The following AGTPBP1 variants were observed in gnomAD, a reference collection of about 807,000 sequenced individuals.
The protein encoded by AGTPBP1 is cytosolic carboxypeptidase 1.
In AGTPBP1, 70 loss-of-function variants were observed where a neutral mutation model predicts 143.9. That is an observed-to-expected ratio of 0.49 (90% CI 0.40 to 0.59). The LOEUF is 0.59. AGTPBP1 is among the 20% of genes least tolerant of loss of function. The pLI is 0.00. For missense variants in AGTPBP1, 1,229 were observed against 1,464.5 expected, an observed-to-expected ratio of 0.84 and a Z score of 2.62; for synonymous variants, 463 against 500.2, an observed-to-expected ratio of 0.93 and a Z score of 0.99.
chr9:85,586,748 A>C, intron 22 of AGTPBP1, 83 bp downstream of exon 22: 1 of 1,465,054 alleles, frequency 6.8e-7, no homozygotes, highest in Non-Finnish European at 9.3e-7. Context: ...ATTTGACCTC[A>C]TGATTATCAC....
intron 2 of AGTPBP1, among the ~76,000 whole-genome samples, chr9:85,708,210 T>G (rs567817382): frequency 1.1e-4 from 17 of 152,290 alleles, no homozygotes; most frequent in African/African-American, 4.1e-4. Context: ...CCTAACCTTT[T>G]GCTTCCATCA....
At chr9:85,627,782 T>C (rs1372013243) in intron 14 of AGTPBP1, among the ~76,000 whole-genome samples, 2 of 152,224 alleles carry the variant, frequency 1.3e-5, no homozygotes, top group African/African-American at 2.4e-5. Context: ...AGTAAACATA[T>C]TTTCTGTTCC....
intron 3 of AGTPBP1, among the ~76,000 whole-genome samples, chr9:85,684,593 T>C (rs1392517671): frequency 6.6e-6 from 1 of 152,142 alleles, no homozygotes; most frequent in Non-Finnish European, 1.5e-5. Context: ...TTCCCTGTGA[T>C]TATTTCATTT....
chr9:85,656,438 G>T (rs190162173), intron 10 of AGTPBP1, among the ~76,000 whole-genome samples: 44 of 152,116 alleles, frequency 2.9e-4, no homozygotes, highest in African/African-American at 1.1e-3. Flanking sequence ...GATTGATCTA[G>T]AAAAGAAAAA....
Position 85,565,711 on chromosome 9 carries a change from T to C in AGTPBP1, c.3503+9604A>G, listed in dbSNP as rs1297927281. 2.6e-5 allele frequency among the ~76,000 whole-genome samples: 4 copies of C among 152,308 alleles called. 1 individual carries two copies. Among genetic ancestry groups the C allele is most frequent in the Middle Eastern group, 6.8e-3 (2 of 294 alleles). The stretch of plus-strand genomic sequence containing the variant: ...AAATGCCTGTGCCCTACTGATTCCA[T>C]ATTCATCATTATGACCCTCCAATGC... On this transcript the variant is annotated intron_variant, in intron 25 of 25. Coordinates refer to ENST00000357081, the MANE Select transcript of AGTPBP1 (RefSeq NM_001330701.2).
At chr9:85,593,144 C>G (rs1829078276) in intron 18 of AGTPBP1, among the ~76,000 whole-genome samples, 1 of 152,080 alleles carries the variant, frequency 6.6e-6, no homozygotes, top group South Asian at 2.1e-4. Flanking sequence ...GATGTTGTTT[C>G]CTGATGTGAT....
chr9:85,802,783 G>A, the AGTPBP1 span, among the ~76,000 whole-genome samples: 32 of 152,320 alleles, frequency 2.1e-4, no homozygotes, highest in South Asian at 6.6e-3. Flanking sequence ...CCAGAGGCTT[G>A]TGGTCATCTG....
chr9:85,664,372 CGTGTTG>C (rs1834015375), intron 8 of AGTPBP1, among the ~76,000 whole-genome samples: 1 of 152,104 alleles, frequency 6.6e-6, no homozygotes, highest in South Asian at 2.1e-4. Context: ...ATTTTACAAC[CGTGTTG>C]GTGTTGGTAT....
chr9:85,599,465 G>A (rs1283920827), intron 17 of AGTPBP1, among the ~76,000 whole-genome samples: 3 of 151,982 alleles, frequency 2.0e-5, no homozygotes, highest in East Asian at 3.9e-4. Flanking sequence ...CTTCTATCAC[G>A]CTTTTCAATT....
upstream of AGTPBP1, among the ~76,000 whole-genome samples, chr9:85,743,260 G>A (rs1372215357): frequency 6.6e-6 from 1 of 152,128 alleles, no homozygotes; most frequent in Non-Finnish European, 1.5e-5. Flanking sequence ...GAGTCAACCT[G>A]CAATATAGGA....
At chr9:85,607,281 A>G (rs1830046198) in intron 17 of AGTPBP1, among the ~76,000 whole-genome samples, 1 of 152,108 alleles carries the variant, frequency 6.6e-6, no homozygotes, top group South Asian at 2.1e-4. Flanking sequence ...TTCTAATGTT[A>G]TAAAAAACAA....
chr9:85,722,629 C>T (rs535916369), intron 1 of AGTPBP1, among the ~76,000 whole-genome samples: 1 of 152,336 alleles, frequency 6.6e-6, no homozygotes, highest in South Asian at 2.1e-4. Flanking sequence ...GCTCCTTTAG[C>T]TCAGAGAAGT....
At chr9:85,790,659 G>T in the AGTPBP1 span, among the ~76,000 whole-genome samples, 8,258 of 152,188 alleles carry the variant, frequency 0.054, 737 homozygotes, top group African/African-American at 0.18. Context: ...TTTCTGCAAT[G>T]AGTCAACAGA....
chr9:85,645,176 A>G (rs1832738106), intron 12 of AGTPBP1, among the ~76,000 whole-genome samples: 1 of 152,136 alleles, frequency 6.6e-6, no homozygotes, highest in Non-Finnish European at 1.5e-5. Context: ...ATGTATATGT[A>G]AAGAGTTTGG....
chr9:85,574,472 A>C (rs1434270472), intron 25 of AGTPBP1, among the ~76,000 whole-genome samples: 1 of 152,120 alleles, frequency 6.6e-6, no homozygotes, highest in East Asian at 1.9e-4. Flanking sequence ...TCAAAAAAAA[A>C]AAAAAAAAAG....
intron 1 of AGTPBP1, among the ~76,000 whole-genome samples, chr9:85,717,835 C>A (rs1291065844): frequency 6.6e-6 from 1 of 152,014 alleles, no homozygotes; most frequent in African/African-American, 2.4e-5. Context: ...CACAGCCCCC[C>A]ACCCCCTAAC....
intron 17 of AGTPBP1, among the ~76,000 whole-genome samples, chr9:85,611,581 A>T (rs929812799): frequency 1.3e-5 from 2 of 152,224 alleles, no homozygotes; most frequent in African/African-American, 4.8e-5. Flanking sequence ...AACACAACAT[A>T]ATTGAAAGAC....
chr9:85,750,892 G>A, the AGTPBP1 span, among the ~76,000 whole-genome samples: 1 of 152,208 alleles, frequency 6.6e-6, no homozygotes, highest in Non-Finnish European at 1.5e-5. Context: ...CCAGTGGCCT[G>A]TCCTTATACC....
chr9:85,576,482 A>G (rs747626319), intron 24 of AGTPBP1, among the ~76,000 whole-genome samples: 2 of 152,186 alleles, frequency 1.3e-5, no homozygotes, highest in African/African-American at 4.8e-5. Context: ...CCAACTCCCA[A>G]ATATTCTAGG....
Sources: allele counts gnomAD v4.1 joint callset (sites outside exome capture counted in the v4.1 genomes callset), GRCh38; gene constraint gnomAD v4.1.1; transcripts MANE v1.5; gene names NCBI Gene and HGNC (gene_info 2026-07-23, HGNC 2026-07-21).